PIERCE1: variants seen among roughly 807,000 people sequenced by gnomAD.
The protein encoded by PIERCE1 is piercer of microtubule wall 1 protein.
the PIERCE1 span, chr9:135,495,692 A>G: frequency 4.6e-6 from 6 of 1,301,352 alleles, no homozygotes; most frequent in East Asian, 1.5e-4. Flanking sequence ...TGAAAGAAAA[A>G]TAAGAATTCA....
the PIERCE1 span, among the ~76,000 whole-genome samples, chr9:135,497,211 C>A: frequency 2.0e-5 from 3 of 152,180 alleles, no homozygotes; most frequent in Non-Finnish European, 4.4e-5. Context: ...CCAGACGGAG[C>A]AGGTGGATAA....
chr9:135,497,512 T>C, the PIERCE1 span, among the ~76,000 whole-genome samples: 2 of 152,032 alleles, frequency 1.3e-5, no homozygotes, highest in Non-Finnish European at 2.9e-5. Flanking sequence ...CTCAACCTCC[T>C]GGGCTCAAGC....
the PIERCE1 span, chr9:135,495,543 G>C: frequency 3.7e-6 from 6 of 1,614,176 alleles, no homozygotes; most frequent in Middle Eastern, 1.6e-4. Context: ...TAAACATTGA[G>C]AGTATTGTTC....
the PIERCE1 span, chr9:135,498,960 G>A: frequency 5.4e-4 from 206 of 378,194 alleles, no homozygotes; most frequent in African/African-American, 3.8e-3. This position sits in a 1 kb window ranked among gnomAD's most constrained non-coding sequence, Gnocchi z 4.1. Context: ...GCAGGGCCTC[G>A]GCACATGCTG....
chr9:135,495,711 T>TTCTCTG, the PIERCE1 span: 1 of 1,207,402 alleles, frequency 8.3e-7, no homozygotes, highest in East Asian at 2.5e-5. Context: ...CATAAGAAAA[T>TTCTCTG]GCAGAGAAGC....
At chr9:135,495,438 T>G in the PIERCE1 span, 1 of 1,613,802 alleles carries the variant, frequency 6.2e-7, no homozygotes, top group South Asian at 1.1e-5. Flanking sequence ...CAATCGCAGA[T>G]GGATGGCCTG....
chr9:135,499,331 G>T, the PIERCE1 span: 1 of 463,964 alleles, frequency 2.2e-6, no homozygotes, highest in Non-Finnish European at 4.2e-6. Context: ...TTCTTAGCCT[G>T]CAATGCCCTG....
At chr9:135,497,550 G>T in the PIERCE1 span, among the ~76,000 whole-genome samples, 1 of 152,106 alleles carries the variant, frequency 6.6e-6, no homozygotes. Flanking sequence ...CTCCTGAATA[G>T]CTGGGACTAC....
chr9:135,496,928 C>A, the PIERCE1 span, among the ~76,000 whole-genome samples: 1 of 151,926 alleles, frequency 6.6e-6, no homozygotes, highest in African/African-American at 2.4e-5. Context: ...TCCCAAGCAG[C>A]TGGGATTACA....
chr9:135,498,613 C>A, the PIERCE1 span: 1 of 1,614,074 alleles, frequency 6.2e-7, no homozygotes, highest in Non-Finnish European at 8.5e-7. This position sits in a 1 kb window ranked among gnomAD's most constrained non-coding sequence, Gnocchi z 4.1. Context: ...GGGGGCTCTG[C>A]TCCCGTAAGC....
chr9:135,497,278 C>T, the PIERCE1 span, among the ~76,000 whole-genome samples: 1 of 152,228 alleles, frequency 6.6e-6, no homozygotes, highest in African/African-American at 2.4e-5. Flanking sequence ...TCCTACCCCA[C>T]TGCCTGCTCC....
the PIERCE1 span, chr9:135,495,622 G>T: frequency 1.2e-6 from 2 of 1,605,316 alleles, no homozygotes; most frequent in Middle Eastern, 1.7e-4. Flanking sequence ...CTTTCTATAA[G>T]AGATAAAGGA....
chr9:135,499,525 C>A, the PIERCE1 span: 1 of 840,932 alleles, frequency 1.2e-6, no homozygotes, highest in South Asian at 1.5e-5. Flanking sequence ...ATCCCCACTT[C>A]CTTGTATGAG....
At chr9:135,499,800 T>A in the PIERCE1 span, 1 of 1,603,900 alleles carries the variant, frequency 6.2e-7, no homozygotes, top group Non-Finnish European at 8.5e-7. Flanking sequence ...GGCGGGGCCG[T>A]GGCCTTGGGC....
the PIERCE1 span, chr9:135,498,991 T>G: frequency 3.2e-6 from 1 of 316,564 alleles, no homozygotes; most frequent in Non-Finnish European, 6.0e-6. The surrounding 1 kb of genome is among the most constrained non-coding windows in gnomAD (Gnocchi z 4.1). Flanking sequence ...GTAACCTAGC[T>G]TGTCAGGAGC....
chr9:135,495,304 A>C, the PIERCE1 span: 1 of 920,078 alleles, frequency 1.1e-6, no homozygotes, highest in Non-Finnish European at 1.7e-6. Flanking sequence ...GCAGACGAAT[A>C]ATATTTTCAG....
the PIERCE1 span, chr9:135,499,457 T>C: frequency 1.0e-5 from 7 of 698,382 alleles, no homozygotes; most frequent in South Asian, 6.0e-5. Flanking sequence ...CACAAATCAG[T>C]GGAGCTGAGA....
At chr9:135,499,659 G>A in the PIERCE1 span, 4 of 1,595,864 alleles carry the variant, frequency 2.5e-6, no homozygotes, top group African/African-American at 4.0e-5. Flanking sequence ...CTCACACACG[G>A]GGCTATCGAG....
At chr9:135,499,585 C>T in the PIERCE1 span, 1 of 1,312,248 alleles carries the variant, frequency 7.6e-7, no homozygotes, top group South Asian at 1.3e-5. Context: ...ACAGCGCGGG[C>T]CCCGGATGAC....
Sources: gnomAD v4.1 joint callset for allele counts (sites outside exome capture counted in the v4.1 genomes callset) on GRCh38, gnomAD v4.1.1 for gene constraint, Gnocchi (gnomAD v3.1) non-coding constraint, MANE v1.5 for transcripts, NCBI Gene and HGNC (gene_info 2026-07-23, HGNC 2026-07-21) for gene names.